The following SLC2A13 variants were observed in gnomAD, a reference collection of about 807,000 sequenced individuals.
SLC2A13 encodes proton myo-inositol cotransporter.
SLC2A13 carries 32 observed loss-of-function variants against 64.4 expected under a neutral mutation model. The ratio of observed to expected loss-of-function variants is 0.50; its 90% confidence interval spans 0.37 to 0.67. The LOEUF (loss-of-function observed/expected upper bound fraction) is 0.67, where lower values mean the gene tolerates loss of function less well. Ranked by LOEUF, SLC2A13 falls within the 30% of genes least tolerant of loss-of-function variation. SLC2A13 has a pLI of 0.00. For synonymous variants in SLC2A13, 338 were observed against 327.1 expected (o/e 1.03, Z -0.36); for missense variants, 743 against 829.2 (o/e 0.90, Z 1.28).
At chr12:40,082,897 C>A (rs1313471696) in intron 1 of SLC2A13, among the ~76,000 whole-genome samples, 1 of 152,180 alleles carries the variant, frequency 6.6e-6, no homozygotes, top group Non-Finnish European at 1.5e-5. Flanking sequence ...TGCTCAGCAA[C>A]TCCATGCAGG....
chr12:39,849,172 T>C (rs1261305369), intron 6 of SLC2A13, among the ~76,000 whole-genome samples: 2 of 151,722 alleles, frequency 1.3e-5, no homozygotes, highest in African/African-American at 2.4e-5. Flanking sequence ...AAACCTAAAA[T>C]AAAGATTTAA....
intron 4 of SLC2A13, among the ~76,000 whole-genome samples, chr12:39,943,749 G>C (rs760287942): frequency 2.0e-5 from 3 of 152,326 alleles, no homozygotes; most frequent in Middle Eastern, 3.4e-3. Flanking sequence ...GAAGCCATGA[G>C]GGACTGTGCC....
At chr12:39,789,735 A>G (rs1006578528) in intron 7 of SLC2A13, among the ~76,000 whole-genome samples, 3 of 152,172 alleles carry the variant, frequency 2.0e-5, no homozygotes, top group African/African-American at 4.8e-5. Context: ...CCATTAACCT[A>G]GTTGATAAAA....
At chr12:39,929,873 G>A (rs914775661) in intron 4 of SLC2A13, among the ~76,000 whole-genome samples, 1 of 152,124 alleles carries the variant, frequency 6.6e-6, no homozygotes, top group African/African-American at 2.4e-5. Flanking sequence ...GCTCACGCCT[G>A]TAATCCCAGC....
chr12:40,039,725 C>T (rs566027446), intron 2 of SLC2A13, among the ~76,000 whole-genome samples: 1 of 152,316 alleles, frequency 6.6e-6, no homozygotes, highest in South Asian at 2.1e-4. Flanking sequence ...CCACACACTT[C>T]CTGCCCACGT....
chr12:39,902,703 T>C (rs1236719494), intron 4 of SLC2A13, among the ~76,000 whole-genome samples: 3 of 152,062 alleles, frequency 2.0e-5, no homozygotes, highest in African/African-American at 7.2e-5. Flanking sequence ...ATATCCCAAA[T>C]GCGTCACCTT....
chr12:39,965,643 T>A (rs913749534), intron 3 of SLC2A13, among the ~76,000 whole-genome samples: 1 of 152,160 alleles, frequency 6.6e-6, no homozygotes, highest in African/African-American at 2.4e-5. Context: ...AAAAACAATG[T>A]TTAGGTTTAT....
intron 1 of SLC2A13, among the ~76,000 whole-genome samples, chr12:40,090,211 C>T (rs1360160616): frequency 1.3e-5 from 2 of 152,112 alleles, no homozygotes; most frequent in Non-Finnish European, 2.9e-5. Context: ...CTAGTGAACA[C>T]ACAAAAGTTC....
chr12:40,064,022 C>T (rs1051322869), intron 1 of SLC2A13, among the ~76,000 whole-genome samples: 18 of 152,030 alleles, frequency 1.2e-4, no homozygotes, highest in African/African-American at 3.9e-4. Context: ...ATGAGAGGAT[C>T]GCTTCAAGCC....
chr12:39,985,872 G>T (rs1424676558), intron 3 of SLC2A13, among the ~76,000 whole-genome samples: 1 of 152,092 alleles, frequency 6.6e-6, no homozygotes, highest in Non-Finnish European at 1.5e-5. Flanking sequence ...ATGGAGTAAA[G>T]AATTTGTCTT....
intron 7 of SLC2A13, among the ~76,000 whole-genome samples, chr12:39,771,368 C>T (rs1027087339): frequency 6.6e-6 from 1 of 152,142 alleles, no homozygotes; most frequent in Admixed American, 6.6e-5. Context: ...CATTCCCTTG[C>T]TGGTTTTGGA....
chr12:39,961,055 A>AT (rs1363296550), intron 3 of SLC2A13, among the ~76,000 whole-genome samples: 2 of 150,456 alleles, frequency 1.3e-5, no homozygotes, highest in Non-Finnish European at 3.0e-5. Context: ...CCCTTGCATG[A>AT]TTTTAAAGAG....
chr12:39,899,958 C>T (rs145756405), intron 4 of SLC2A13, among the ~76,000 whole-genome samples: 2,725 of 151,950 alleles, frequency 0.018, 94 homozygotes, highest in African/African-American at 0.061. Context: ...ACTGGCAAAC[C>T]GAATCCAGCA....
At chr12:39,766,449 T>C (rs539642327) in intron 7 of SLC2A13, among the ~76,000 whole-genome samples, 2 of 152,198 alleles carry the variant, frequency 1.3e-5, no homozygotes, top group African/African-American at 4.8e-5. Context: ...TCACAAGTCA[T>C]CATCTTTTTG....
At chr12:40,009,992 A>G (rs1947500708) in intron 3 of SLC2A13, among the ~76,000 whole-genome samples, 1 of 152,234 alleles carries the variant, frequency 6.6e-6, no homozygotes, top group Non-Finnish European at 1.5e-5. Flanking sequence ...AATTCTGGTA[A>G]TATTTATACT....
At chr12:40,091,532 A>C (rs1481672280) in intron 1 of SLC2A13, among the ~76,000 whole-genome samples, 1 of 152,212 alleles carries the variant, frequency 6.6e-6, no homozygotes, top group African/African-American at 2.4e-5. Context: ...ACAAAGAATA[A>C]TGGCATGTCA....
At chr12:39,920,772 T>C (rs1302150750) in intron 4 of SLC2A13, among the ~76,000 whole-genome samples, 1 of 152,024 alleles carries the variant, frequency 6.6e-6, no homozygotes. Flanking sequence ...ATTAAATACG[T>C]CCATCTGTGC....
chr12:40,098,923 C>T (rs1464502438), intron 1 of SLC2A13, among the ~76,000 whole-genome samples: 2 of 152,206 alleles, frequency 1.3e-5, no homozygotes, highest in South Asian at 2.1e-4. Flanking sequence ...CCCAGTGCAG[C>T]GGCAGGGTGG....
intron 4 of SLC2A13, among the ~76,000 whole-genome samples, chr12:39,908,804 A>T (rs961314225): frequency 3.1e-4 from 47 of 152,074 alleles, no homozygotes; most frequent in African/African-American, 1.1e-3. Flanking sequence ...AGGGTTTGGT[A>T]TTTGGGAGGA....
Sources: gnomAD v4.1 joint callset for allele counts (sites outside exome capture counted in the v4.1 genomes callset) on GRCh38, gnomAD v4.1.1 for gene constraint, MANE v1.5 for transcripts, NCBI Gene and HGNC (gene_info 2026-07-23, HGNC 2026-07-21) for gene names.